The following RAB3GAP1 variants were observed in gnomAD, a reference collection of about 807,000 sequenced individuals.
RAB3GAP1 encodes RAB3 GTPase activating protein catalytic subunit 1, also known as rab3 GTPase-activating protein catalytic subunit.
In RAB3GAP1, 86 loss-of-function variants were observed where a neutral mutation model predicts 130.7. The ratio of observed to expected loss-of-function variants is 0.66; its 90% CI spans 0.55 to 0.79. RAB3GAP1 has a LOEUF of 0.79. Among genes scored for constraint, RAB3GAP1 ranks in the 30% least tolerant of loss-of-function variants. The pLI is 0.00. For synonymous variants in RAB3GAP1, 367 were observed against 401.7 expected, an observed-to-expected ratio of 0.91 and a Z score of 1.03; for missense variants, 1,029 against 1,169.4, an observed-to-expected ratio of 0.88 and a Z score of 1.75.
chr2:135,112,836 A>G (rs59593924), intron 5 of RAB3GAP1, among the ~76,000 whole-genome samples: 1 of 106,432 alleles, frequency 9.4e-6, no homozygotes, highest in Non-Finnish European at 1.8e-5. Flanking sequence ...TCTCTCTCTC[A>G]CACACACACA....
chr2:135,133,730 C>T (rs1472245089), intron 14 of RAB3GAP1, 131 bp from the exon 15 acceptor site: 3 of 734,578 alleles, frequency 4.1e-6, no homozygotes, highest in South Asian at 1.5e-5. Flanking sequence ...GTGTATTAGA[C>T]ATTTGATAAT....
chr2:135,063,376 A>G (rs1011017266), intron 3 of RAB3GAP1, among the ~76,000 whole-genome samples: 3 of 152,202 alleles, frequency 2.0e-5, no homozygotes, highest in South Asian at 4.1e-4. Flanking sequence ...ATTTAGTGGC[A>G]TTTAGTACTT....
At chr2:135,097,216 CTT>C (rs11396739) in intron 5 of RAB3GAP1, among the ~76,000 whole-genome samples, 11 of 139,824 alleles carry the variant, frequency 7.9e-5, no homozygotes, top group African/African-American at 1.1e-4. Flanking sequence ...GTCCTTCCCA[CTT>C]TTTTTTTTTT....
At chr2:135,108,015 A>G (rs1229113669) in intron 5 of RAB3GAP1, among the ~76,000 whole-genome samples, 1 of 150,238 alleles carries the variant, frequency 6.7e-6, no homozygotes, top group East Asian at 2.0e-4. Context: ...ACACAAAATA[A>G]GTGGTATGGT....
intron 3 of RAB3GAP1, among the ~76,000 whole-genome samples, chr2:135,064,774 AT>A (rs2104832015): frequency 1.0e-5 from 1 of 96,156 alleles, no homozygotes; most frequent in East Asian, 3.0e-4. Flanking sequence ...TTTTTTTGAT[AT>A]GTGTATCCAG....
intron 3 of RAB3GAP1, among the ~76,000 whole-genome samples, chr2:135,081,362 ACACACACG>A (rs1689813327): frequency 1.4e-5 from 1 of 71,404 alleles, no homozygotes; most frequent in Non-Finnish European, 2.3e-5. Flanking sequence ...ATATATATAT[ACACACACG>A]TGTGTGTGTG....
chr2:135,083,966 C>T (rs180685622), intron 3 of RAB3GAP1, among the ~76,000 whole-genome samples: 52 of 151,780 alleles, frequency 3.4e-4, no homozygotes, highest in Admixed American at 2.8e-3. Flanking sequence ...GGTTGTTGAC[C>T]GGGTGCGGTG....
chr2:135,122,583 T>C (rs1691236500), intron 8 of RAB3GAP1, among the ~76,000 whole-genome samples: 1 of 152,234 alleles, frequency 6.6e-6, no homozygotes, highest in South Asian at 2.1e-4. Flanking sequence ...GAAAGCCATA[T>C]AAATTCTTAA....
chr2:135,146,809 C>A (rs1692006118), intron 17 of RAB3GAP1, among the ~76,000 whole-genome samples: 1 of 152,058 alleles, frequency 6.6e-6, no homozygotes, highest in African/African-American at 2.4e-5. Flanking sequence ...ATCAATAGTT[C>A]ATGCACATTT....
intron 3 of RAB3GAP1, among the ~76,000 whole-genome samples, chr2:135,083,223 G>A (rs1436257885): frequency 3.9e-5 from 6 of 152,066 alleles, no homozygotes. Flanking sequence ...GACTATTGAT[G>A]GGAATTTGAG....
chr2:135,139,111 T>C (rs1424193710), intron 17 of RAB3GAP1, among the ~76,000 whole-genome samples: 2 of 152,216 alleles, frequency 1.3e-5, no homozygotes, highest in African/African-American at 4.8e-5. Flanking sequence ...CCTGTTCTTA[T>C]TGATTCATAT....
At chr2:135,126,104 G>A in intron 9 of RAB3GAP1, 77 bp from the exon 10 acceptor site, 1 of 1,084,140 alleles carries the variant, frequency 9.2e-7, no homozygotes, top group Non-Finnish European at 1.4e-6. Context: ...TTATTTCCTT[G>A]GTATAGTTTT....
intron 11 of RAB3GAP1, among the ~76,000 whole-genome samples, chr2:135,127,531 A>G (rs1207164404): frequency 2.0e-5 from 3 of 151,300 alleles, no homozygotes; most frequent in African/African-American, 7.3e-5. Flanking sequence ...TTTAGTAGAG[A>G]CGGGGTTTCA....
chr2:135,097,298 C>T (rs1690327341), intron 5 of RAB3GAP1, among the ~76,000 whole-genome samples: 1 of 151,758 alleles, frequency 6.6e-6, no homozygotes, highest in Non-Finnish European at 1.5e-5. Flanking sequence ...GTACTGTAGC[C>T]TTGAACTCCT....
chr2:135,061,024 A>G (rs965942575), intron 3 of RAB3GAP1, among the ~76,000 whole-genome samples: 14 of 145,124 alleles, frequency 9.6e-5, no homozygotes, highest in African/African-American at 1.6e-4. Context: ...TTTTTTTTTA[A>G]ATAAACATAA....
rs1351211021 is a variant in RAB3GAP1 at position 135,064,770 on chromosome 2, TG to T, written c.150+6685del. Among the ~76,000 whole-genome samples, 265 of 149,820 alleles carry T rather than the reference TG, an allele frequency of 1.8e-3. 2 individuals carry two copies. Among genetic ancestry groups the T allele is most frequent in the Admixed American group, 2.4e-3 (36 of 15,066 alleles). On this transcript the variant is annotated intron_variant, in intron 3 of 23. Coordinates refer to ENST00000264158, the MANE Select transcript of RAB3GAP1 (RefSeq NM_012233.3). The stretch of plus-strand genomic sequence containing the variant: ...GAGGTGTTTTGTTTTTTTTTTTTTT[TG>T]ATATGTGTATCCAGTAATTTTAAAG...
intron 17 of RAB3GAP1, among the ~76,000 whole-genome samples, chr2:135,144,201 C>T (rs573925877): frequency 3.9e-5 from 6 of 152,318 alleles, no homozygotes; most frequent in African/African-American, 1.2e-4. Flanking sequence ...TCTTGTCCCA[C>T]ATCCAAGAAG....
intron 3 of RAB3GAP1, among the ~76,000 whole-genome samples, chr2:135,065,673 G>A (rs1689297128): frequency 6.6e-6 from 1 of 151,998 alleles, no homozygotes; most frequent in African/African-American, 2.4e-5. Flanking sequence ...ATGTTTGAGG[G>A]AGGCATATCT....
intron 5 of RAB3GAP1, among the ~76,000 whole-genome samples, chr2:135,098,670 A>C (rs1236984700): frequency 6.6e-6 from 1 of 152,152 alleles, no homozygotes; most frequent in African/African-American, 2.4e-5. Context: ...TAATCCCAAT[A>C]TATCCATTTT....
Sources: gnomAD v4.1 joint callset for allele counts (sites outside exome capture counted in the v4.1 genomes callset) on GRCh38, gnomAD v4.1.1 for gene constraint, MANE v1.5 for transcripts, NCBI Gene and HGNC (gene_info 2026-07-23, HGNC 2026-07-21) for gene names.